Variants in COL21A1 observed in about 807,000 individuals in gnomAD.
The protein encoded by COL21A1 is collagen type XXI alpha 1 chain, also known as collagen alpha-1(XXI) chain.
COL21A1 carries 149 observed loss-of-function variants against 137.9 expected under a neutral mutation model. The ratio of observed to expected loss-of-function variants is 1.08; its 90% CI spans 0.95 to 1.24. The LOEUF (loss-of-function observed/expected upper bound fraction) is 1.24, where lower values mean the gene tolerates loss of function less well. COL21A1 is among the 50% of genes most tolerant of loss of function. The pLI, the probability that COL21A1 is intolerant of heterozygous loss-of-function variation, is 0.00. For synonymous variants in COL21A1, 456 were observed against 391.5 expected, an observed-to-expected ratio of 1.16 and a Z score of -1.95; for missense variants, 1,167 against 1,158.4, an observed-to-expected ratio of 1.01 and a Z score of -0.11.
intron 1 of COL21A1, among the ~76,000 whole-genome samples, chr6:56,294,007 T>C (rs1173069508): frequency 6.6e-6 from 1 of 152,184 alleles, no homozygotes; most frequent in Non-Finnish European, 1.5e-5. Context: ...CTGCATGTGG[T>C]GAGTCAAACG....
At chr6:56,390,374 A>G (rs891393027) in intron 1 of COL21A1, among the ~76,000 whole-genome samples, 2 of 152,158 alleles carry the variant, frequency 1.3e-5, no homozygotes, top group Non-Finnish European at 2.9e-5. Context: ...AAAACATACT[A>G]CCAGAGAAAA....
At chr6:56,263,178 A>G (rs1006259811) in intron 1 of COL21A1, among the ~76,000 whole-genome samples, 1 of 152,218 alleles carries the variant, frequency 6.6e-6, no homozygotes, top group African/African-American at 2.4e-5. Flanking sequence ...AGTATGCTTA[A>G]TAGATACTTG....
chr6:56,201,282 T>C (rs1779390900), intron 1 of COL21A1, among the ~76,000 whole-genome samples: 1 of 152,182 alleles, frequency 6.6e-6, no homozygotes, highest in South Asian at 2.1e-4. Context: ...GTAGTTTCTT[T>C]TGCTGTGCAG....
chr6:56,121,749 G>A (rs62412803), intron 16 of COL21A1, among the ~76,000 whole-genome samples: 22,736 of 151,442 alleles, frequency 0.15, 1,736 homozygotes, highest in Middle Eastern at 0.22. Flanking sequence ...AAGTGGCAGG[G>A]GATGTGTGGG....
At chr6:56,076,408 ATAAT>A (rs1373597948) in intron 18 of COL21A1, among the ~76,000 whole-genome samples, 2 of 151,496 alleles carry the variant, frequency 1.3e-5, no homozygotes, top group East Asian at 3.9e-4. Flanking sequence ...TAAGTAATAA[ATAAT>A]TAACTGCAGA....
chr6:56,347,178 C>G (rs1465150359), intron 1 of COL21A1, among the ~76,000 whole-genome samples: 3 of 152,164 alleles, frequency 2.0e-5, no homozygotes, highest in Non-Finnish European at 2.9e-5. Flanking sequence ...CCCAGACATT[C>G]CCGGCAGCCC....
At chr6:56,096,216 T>A (rs999030817) in intron 17 of COL21A1, among the ~76,000 whole-genome samples, 3 of 151,994 alleles carry the variant, frequency 2.0e-5, no homozygotes, top group African/African-American at 7.2e-5. Context: ...GTTATACACA[T>A]CTTCCACAGC....
intron 1 of COL21A1, among the ~76,000 whole-genome samples, chr6:56,255,904 G>A (rs1455809988): frequency 6.6e-6 from 1 of 152,132 alleles, no homozygotes; most frequent in African/African-American, 2.4e-5. Flanking sequence ...GCTCCATAGG[G>A]TTCTTCTGAA....
intron 1 of COL21A1, among the ~76,000 whole-genome samples, chr6:56,374,715 C>A (rs1007159600): frequency 2.1e-5 from 2 of 97,518 alleles, no homozygotes; most frequent in Non-Finnish European, 3.8e-5. Context: ...AGTGAGACTT[C>A]GTCTCAAAAA....
chr6:56,236,037 C>T, intron 1 of COL21A1, among the ~76,000 whole-genome samples: 1 of 151,882 alleles, frequency 6.6e-6, no homozygotes, highest in Non-Finnish European at 1.5e-5. Flanking sequence ...AATTAATTTG[C>T]TCTTGAACTA....
At chr6:56,146,455 A>AC (rs1157006388) in intron 10 of COL21A1, among the ~76,000 whole-genome samples, 2 of 152,168 alleles carry the variant, frequency 1.3e-5, no homozygotes, top group African/African-American at 4.8e-5. Flanking sequence ...CTAGTTTGCT[A>AC]CTTAACCCAA....
rs530876597 is a variant in COL21A1, at chr6:56,287,812, G to A, written c.-38-105156C>T. On this transcript the variant is annotated intron_variant, in intron 1 of 28. Transcript: ENST00000370819. ...CAGATAGGCCGTAAGTAATCACAAG[G>A]GTTCTTACAAGTAGAAGAGGGAGAG... Among the ~76,000 whole-genome samples, 157 of 152,138 alleles carry A rather than the reference G, an allele frequency of 1.0e-3. 1 individual carries two copies. The South Asian group carries it at 0.012, about 12-fold the overall frequency.
intron 20 of COL21A1, among the ~76,000 whole-genome samples, chr6:56,072,699 AT>A (rs1766862659): frequency 6.6e-6 from 1 of 151,566 alleles, no homozygotes; most frequent in Non-Finnish European, 1.5e-5. Flanking sequence ...TAATGATAAA[AT>A]TGAGTAGTTA....
chr6:56,144,954 A>G (rs557832658), intron 10 of COL21A1, among the ~76,000 whole-genome samples: 14 of 152,352 alleles, frequency 9.2e-5, no homozygotes, highest in Admixed American at 3.9e-4. Flanking sequence ...GAAAAGAAAC[A>G]AATGGAGTCA....
At chr6:56,241,998 C>T (rs796948430) in intron 1 of COL21A1, among the ~76,000 whole-genome samples, 3 of 152,278 alleles carry the variant, frequency 2.0e-5, no homozygotes, top group African/African-American at 7.2e-5. Context: ...CCTAAGATAG[C>T]CAACCACTTG....
intron 12 of COL21A1, among the ~76,000 whole-genome samples, chr6:56,134,135 T>G (rs1474815240): frequency 1.3e-5 from 2 of 152,120 alleles, no homozygotes; most frequent in Non-Finnish European, 2.9e-5. Context: ...AGACACTCAA[T>G]GCCAGACTGT....
At chr6:56,234,220 T>C (rs558912481) in intron 1 of COL21A1, among the ~76,000 whole-genome samples, 1 of 151,898 alleles carries the variant, frequency 6.6e-6, no homozygotes, top group South Asian at 2.1e-4. Flanking sequence ...TTTAAAGTCT[T>C]TGTATATGCT....
At chr6:56,118,989 AAAAT>A (rs1313851234) in intron 16 of COL21A1, among the ~76,000 whole-genome samples, 1 of 152,034 alleles carries the variant, frequency 6.6e-6, no homozygotes, top group Non-Finnish European at 1.5e-5. Context: ...TGGGGACAAA[AAAAT>A]AAAAGCCTTT....
At chr6:56,355,214 G>A (rs993541473) in intron 1 of COL21A1, among the ~76,000 whole-genome samples, 2 of 152,190 alleles carry the variant, frequency 1.3e-5, no homozygotes, top group Admixed American at 1.3e-4. Flanking sequence ...ACTGACACCC[G>A]CTATGGAATA....
Sources: allele counts gnomAD v4.1 joint callset (sites outside exome capture counted in the v4.1 genomes callset), GRCh38; gene constraint gnomAD v4.1.1; transcripts MANE v1.5; gene names NCBI Gene and HGNC (gene_info 2026-07-23, HGNC 2026-07-21).